Variants in MTMR9 observed in about 807,000 individuals in gnomAD.
The protein encoded by MTMR9 is myotubularin related protein 9.
Under a neutral mutation model 69.5 loss-of-function variants are expected in MTMR9, and 39 were observed. The observed-to-expected ratio is 0.56, with a 90% CI of 0.43 to 0.73. MTMR9 has a LOEUF of 0.73. Ranked by LOEUF, MTMR9 falls within the 30% of genes least tolerant of loss-of-function variation. The pLI, the probability that MTMR9 is intolerant of heterozygous loss-of-function variation, is 0.00. For missense variants in MTMR9, 900 were observed against 671.2 expected, an observed-to-expected ratio of 1.34 and a Z score of -3.77; for synonymous variants, 354 against 240.8, an observed-to-expected ratio of 1.47 and a Z score of -4.35.
chr8:11,300,820 C>T (rs1363564158), intron 3 of MTMR9: 1 of 152,074 alleles, frequency 6.6e-6, no homozygotes, highest in East Asian at 1.9e-4. Flanking sequence ...GAAGAAGTTG[C>T]AAGAGATCTA....
chr8:11,285,221 T>G (rs1799105117), intron 1 of MTMR9, 151 bp downstream of exon 1: 1 of 743,392 alleles, frequency 1.3e-6, no homozygotes, highest in Non-Finnish European at 2.1e-6. Flanking sequence ...TTTACCAAGC[T>G]GAAACCCGTC....
At chr8:11,313,334 A>T (rs1391013518) in intron 6 of MTMR9, among the ~76,000 whole-genome samples, 1 of 152,190 alleles carries the variant, frequency 6.6e-6, no homozygotes, top group Non-Finnish European at 1.5e-5. Context: ...TTGATCTTCT[A>T]TCCAGACCAC....
chr8:11,287,810 T>TATATA lies in MTMR9; in HGVS notation c.182+2741_182+2742insTATAA, dbSNP rs1563262759. On this transcript the variant is annotated intron_variant, in intron 1 of 9. Transcript: ENST00000221086. ...ATTATATATAATACATATTATATAATACATATAATATATAATATATAACAT... is the reference window on the plus strand; with the variant it reads ...ATTATATATAATACATATTATATAATATATAACATATAATATATAATATATAACAT... Among the ~76,000 whole-genome samples, 14 of 115,688 alleles carry TATATA rather than the reference T, an allele frequency of 1.2e-4. No homozygotes were observed. The East Asian group carries it at 1.4e-3, about 12-fold the overall frequency. The allele number at this position is 115,688 out of a possible 152,430, so 75.9% of individuals were successfully genotyped here. A position where few individuals can be genotyped will look rare whatever the true frequency, so the allele number is the denominator to read the frequency against.
chr8:11,305,866 T>G (rs1469646623), intron 4 of MTMR9, among the ~76,000 whole-genome samples: 1 of 152,236 alleles, frequency 6.6e-6, no homozygotes, highest in Non-Finnish European at 1.5e-5. Flanking sequence ...TCATAGGCCA[T>G]TATTGTCTTT....
chr8:11,332,197 TAAAAG>T (rs1489305598), downstream of MTMR9: 5 of 1,512,300 alleles, frequency 3.3e-6, no homozygotes, highest in Non-Finnish European at 4.4e-6. Flanking sequence ...AAAAAAAAAA[TAAAAG>T]AAAAAAAATA....
rs181853572 is a variant in MTMR9, at chr8:11,326,106, A to G, written c.*3318A>G. The stretch of plus-strand genomic sequence containing the variant: ...ATAAAAAATCAGTATCATGGAAAAG[A>G]TATGACCATAATTTAGTCTCCTCAA... On this transcript the variant is annotated 3_prime_UTR_variant, in exon 10 of 10. Transcript: ENST00000221086. 1.3e-5 allele frequency: 2 copies of G among 152,346 alleles called. No homozygotes were observed. The highest frequency in any genetic ancestry group is 4.8e-5 in the African/African-American group (2 of 41,588). The allele number at this position is 152,346 out of a possible 1,614,324, so 9.4% of individuals were successfully genotyped here.
chr8:11,311,438 G>A (rs1367915667), intron 6 of MTMR9, among the ~76,000 whole-genome samples: 4 of 152,178 alleles, frequency 2.6e-5, no homozygotes, highest in Non-Finnish European at 5.9e-5. Context: ...CCACAGTAAA[G>A]CAAGTCATGC....
At chr8:11,315,169 C>G in intron 7 of MTMR9, 105 bp downstream of exon 7, 1 of 1,410,296 alleles carries the variant, frequency 7.1e-7, no homozygotes, top group Non-Finnish European at 9.8e-7. Flanking sequence ...ATTAAAATTT[C>G]TAAGTTGTGT....
At chr8:11,334,655 A>T in the MTMR9 span, among the ~76,000 whole-genome samples, 7 of 152,154 alleles carry the variant, frequency 4.6e-5, no homozygotes, top group Non-Finnish European at 1.0e-4. Context: ...AAACAGCAGA[A>T]GTCCTTATCA....
At chr8:11,289,536 T>C (rs894956205) in intron 1 of MTMR9, among the ~76,000 whole-genome samples, 13 of 152,194 alleles carry the variant, frequency 8.5e-5, no homozygotes, top group African/African-American at 3.1e-4. Context: ...ACTCAGTTGA[T>C]GACTCATCAT....
the MTMR9 span, among the ~76,000 whole-genome samples, chr8:11,333,987 G>A: frequency 6.6e-6 from 1 of 152,140 alleles, no homozygotes; most frequent in Non-Finnish European, 1.5e-5. Context: ...CATGGAAGTG[G>A]GTTCCTGATA....
chr8:11,329,249 C>T (rs1219688727), downstream of MTMR9, among the ~76,000 whole-genome samples: 1 of 152,150 alleles, frequency 6.6e-6, no homozygotes, highest in Admixed American at 6.5e-5. Context: ...AAAAAATTAG[C>T]CAGGCATGAT....
At chr8:11,285,313 T>C in intron 1 of MTMR9, 1 of 407,516 alleles carries the variant, frequency 2.5e-6, no homozygotes, top group Non-Finnish European at 4.4e-6. Context: ...GATGATCATT[T>C]CTGGTTCGTA....
chr8:11,287,491 G>A (rs1156516595), intron 1 of MTMR9, among the ~76,000 whole-genome samples: 1 of 151,490 alleles, frequency 6.6e-6, no homozygotes, highest in Non-Finnish European at 1.5e-5. Flanking sequence ...AAGAGCATAG[G>A]GGAGGCATCA....
At chr8:11,336,044 T>A in the MTMR9 span, among the ~76,000 whole-genome samples, 1 of 152,214 alleles carries the variant, frequency 6.6e-6, no homozygotes, top group Admixed American at 6.5e-5. Flanking sequence ...CATAGCTGCA[T>A]ACAGAATATA....
downstream of MTMR9, among the ~76,000 whole-genome samples, chr8:11,332,583 A>C (rs1218318395): frequency 6.7e-6 from 1 of 148,580 alleles, no homozygotes; most frequent in Non-Finnish European, 1.5e-5. Flanking sequence ...GGTTCGATAG[A>C]GTTTGTTTGT....
Position 11,298,718 on chromosome 8 carries a change from G to GCCCC in MTMR9, c.292-1304_292-1303insCCCC, listed in dbSNP as rs775647137. ...ATTGATATGGTATCCTTTCCCCGCT[G>GCCCC]CACCCCCCCCCCGCCATCCAGTATA... On this transcript the variant is annotated intron_variant, in intron 2 of 9. Transcript: ENST00000221086. 1.5e-5 allele frequency: 12 copies of GCCCC among 798,998 alleles called. No homozygotes were observed. The African/African-American group carries it at 1.9e-4, about 13-fold the overall frequency. 49.5% of individuals were successfully genotyped at this position (798,998 alleles called of 1,614,324 possible). A position where few individuals can be genotyped will look rare whatever the true frequency, so the allele number is the denominator to read the frequency against.
intron 1 of MTMR9, among the ~76,000 whole-genome samples, chr8:11,285,540 C>T (rs929889973): frequency 7.9e-5 from 12 of 152,136 alleles, no homozygotes; most frequent in Non-Finnish European, 2.9e-5. Flanking sequence ...GAAAAATGTT[C>T]AGTGTATCAT....
intron 1 of MTMR9, among the ~76,000 whole-genome samples, chr8:11,289,816 A>C (rs907302434): frequency 3.9e-5 from 6 of 152,204 alleles, no homozygotes; most frequent in African/African-American, 1.4e-4. Flanking sequence ...CTGTGTGTAC[A>C]ACCATTTCAC....
Sources: gnomAD v4.1 joint callset for allele counts (sites outside exome capture counted in the v4.1 genomes callset) on GRCh38, gnomAD v4.1.1 for gene constraint, MANE v1.5 for transcripts, NCBI Gene and HGNC (gene_info 2026-07-23, HGNC 2026-07-21) for gene names.